The following KIAA1217 variants were observed in gnomAD, a reference collection of about 807,000 sequenced individuals.
The protein encoded by KIAA1217 is KIAA1217, also known as sickle tail protein homolog.
KIAA1217 carries 88 observed loss-of-function variants against 163.9 expected under a neutral mutation model. The ratio of observed to expected loss-of-function variants is 0.54; its 90% CI spans 0.45 to 0.64. The LOEUF (loss-of-function observed/expected upper bound fraction) is 0.64. Among genes scored for constraint, KIAA1217 ranks in the 30% least tolerant of loss-of-function variants. KIAA1217 has a pLI of 0.00. For synonymous variants in KIAA1217, 903 were observed against 923.1 expected, an observed-to-expected ratio of 0.98 and a Z score of 0.39; for missense variants, 2,372 against 2,475.0, an observed-to-expected ratio of 0.96 and a Z score of 0.88.
At chr10:24,195,451 T>A (rs887632056) in intron 2 of KIAA1217, among the ~76,000 whole-genome samples, 2 of 152,180 alleles carry the variant, frequency 1.3e-5, no homozygotes, top group African/African-American at 4.8e-5. Flanking sequence ...ACAGGGCTTT[T>A]GTGGACGAGG....
chr10:24,290,978 G>T (rs2079036313), intron 2 of KIAA1217, among the ~76,000 whole-genome samples: 2 of 152,118 alleles, frequency 1.3e-5, no homozygotes, highest in African/African-American at 4.8e-5. Context: ...ATGGCAAATT[G>T]TGCCCTCTTT....
At chr10:23,960,211 G>A (rs928558793) in intron 1 of KIAA1217, among the ~76,000 whole-genome samples, 6 of 152,026 alleles carry the variant, frequency 3.9e-5, no homozygotes, top group African/African-American at 4.8e-5. Flanking sequence ...CACCACGCCC[G>A]GCCAGAATTC....
At chr10:24,364,169 G>A (rs537480186) in intron 2 of KIAA1217, among the ~76,000 whole-genome samples, 1 of 151,966 alleles carries the variant, frequency 6.6e-6, no homozygotes, top group East Asian at 2.0e-4. Flanking sequence ...AGTAAAGATG[G>A]GGTTTTGCCA....
chr10:24,289,131 AAAT>A lies in KIAA1217; in HGVS notation c.354+69230_354+69232del, dbSNP rs753377602. ...ATATTTCAATTTAATATTATAAATA[AAAT>A]AATAATACAAAGCCATTAAGATGAA... On this transcript the variant is annotated intron_variant, in intron 2 of 20. Coordinates refer to ENST00000376454, the MANE Select transcript of KIAA1217 (RefSeq NM_019590.5). Among the ~76,000 whole-genome samples, 26 of 152,340 alleles carry A rather than the reference AAAT, an allele frequency of 1.7e-4. 1 individual carries two copies. Among genetic ancestry groups the A allele is most frequent in the Admixed American group, 9.8e-4 (15 of 15,306 alleles).
At chr10:23,698,035 C>T (rs1258709108) in intron 1 of KIAA1217, among the ~76,000 whole-genome samples, 1 of 152,070 alleles carries the variant, frequency 6.6e-6, no homozygotes, top group Non-Finnish European at 1.5e-5. Flanking sequence ...TGATTTGGGG[C>T]AATTTGTAGA....
chr10:24,460,614 T>C (rs1405843676), intron 5 of KIAA1217, among the ~76,000 whole-genome samples: 1 of 152,174 alleles, frequency 6.6e-6, no homozygotes, highest in South Asian at 2.1e-4. Flanking sequence ...AGGATCAAAA[T>C]AATGGCACAA....
intron 2 of KIAA1217, among the ~76,000 whole-genome samples, chr10:24,065,896 A>T (rs1318884446): frequency 1.3e-5 from 2 of 152,176 alleles, no homozygotes; most frequent in Non-Finnish European, 2.9e-5. Flanking sequence ...ACATTATGTA[A>T]TGGCCTTCTT....
At chr10:24,204,894 C>A (rs1203358007), upstream of KIAA1217, among the ~76,000 whole-genome samples, 2 of 152,184 alleles carry the variant, frequency 1.3e-5, no homozygotes, top group Admixed American at 1.3e-4. Context: ...TAATGTGGAA[C>A]ACATCAAACA....
rs570282696 is a variant in KIAA1217 at position 24,298,478 on chromosome 10, G to A, written c.354+78569G>A. Among the ~76,000 whole-genome samples the A allele has an allele frequency of 2.6e-4, 40 of 152,166 alleles. No homozygotes were observed. The East Asian group carries it at 3.1e-3, about 12-fold the overall frequency. ...AGACAGAGGATAATAAAAGTTAAAGGCTCAGACTTAATCAAAGGGTTAGAA... is the reference window on the plus strand; with the variant it reads ...AGACAGAGGATAATAAAAGTTAAAGACTCAGACTTAATCAAAGGGTTAGAA... On this transcript the variant is annotated intron_variant, in intron 2 of 20. Transcript: ENST00000376454.
intron 2 of KIAA1217, among the ~76,000 whole-genome samples, chr10:24,078,404 T>C (rs2061434458): frequency 6.6e-6 from 1 of 152,172 alleles, no homozygotes; most frequent in South Asian, 2.1e-4. Flanking sequence ...CCACTTCATG[T>C]CCCTAACATA....
intron 1 of KIAA1217, among the ~76,000 whole-genome samples, chr10:23,881,435 T>G (rs1840943435): frequency 6.6e-6 from 1 of 151,962 alleles, no homozygotes; most frequent in Non-Finnish European, 1.5e-5. Context: ...TAAATATTTA[T>G]GCTTCTTTGC....
Position 24,268,466 on chromosome 10 carries a change from C to G in KIAA1217, c.354+48557C>G, listed in dbSNP as rs373902674. Among the ~76,000 whole-genome samples the G allele has an allele frequency of 4.0e-3, 607 of 151,520 alleles. 12 individuals carry two copies. In the East Asian group the frequency reaches 0.043, roughly 11 times the overall value. ...AAAAAACACATGAAAAAATGCTCATCATCACTGGCCATCAGAGAAATGCAA... is the reference window on the plus strand; with the variant it reads ...AAAAAACACATGAAAAAATGCTCATGATCACTGGCCATCAGAGAAATGCAA... On this transcript the variant is annotated intron_variant, in intron 2 of 20. Transcript: ENST00000376454.
chr10:23,706,814 A>C (rs1699352995), intron 1 of KIAA1217, among the ~76,000 whole-genome samples: 2 of 152,124 alleles, frequency 1.3e-5, no homozygotes, highest in Non-Finnish European at 2.9e-5. Context: ...TGGGACATGT[A>C]AGATGAAGGG....
intron 1 of KIAA1217, among the ~76,000 whole-genome samples, chr10:23,750,400 A>G (rs1175346104): frequency 1.3e-5 from 2 of 152,128 alleles, no homozygotes; most frequent in Non-Finnish European, 2.9e-5. Flanking sequence ...AGAATCTGCC[A>G]TTCTTTCTAA....
At chr10:24,086,851 C>T (rs1397409923) in intron 2 of KIAA1217, among the ~76,000 whole-genome samples, 1 of 152,170 alleles carries the variant, frequency 6.6e-6, no homozygotes, top group African/African-American at 2.4e-5. Context: ...AACCTTGACC[C>T]AGCAGTTCCA....
At chr10:24,525,053 CA>C (rs1331875047) in intron 13 of KIAA1217, among the ~76,000 whole-genome samples, 1 of 135,916 alleles carries the variant, frequency 7.4e-6, no homozygotes, top group East Asian at 2.0e-4. Flanking sequence ...GTTTAACAAC[CA>C]GCTCTCTGGT....
At chr10:23,866,736 G>T (rs957486883) in intron 1 of KIAA1217, among the ~76,000 whole-genome samples, 6 of 152,038 alleles carry the variant, frequency 3.9e-5, no homozygotes, top group Non-Finnish European at 8.8e-5. Context: ...TTTGCATTCT[G>T]TAGACCCAGA....
chr10:23,951,305 G>T (rs570238539), intron 1 of KIAA1217, among the ~76,000 whole-genome samples: 1 of 152,276 alleles, frequency 6.6e-6, no homozygotes, highest in South Asian at 2.1e-4. Flanking sequence ...CTCCAAGGTT[G>T]CTAGTAATGT....
chr10:23,934,619 A>ATTTT (rs1219984756), intron 1 of KIAA1217, among the ~76,000 whole-genome samples: 2 of 64,672 alleles, frequency 3.1e-5, no homozygotes, highest in Admixed American at 1.5e-4. Context: ...ATATATATAT[A>ATTTT]TATATATTTT....
Sources: allele counts gnomAD v4.1 joint callset (sites outside exome capture counted in the v4.1 genomes callset), GRCh38; gene constraint gnomAD v4.1.1; transcripts MANE v1.5; gene names NCBI Gene and HGNC (gene_info 2026-07-23, HGNC 2026-07-21).